TLN2: variants seen among roughly 807,000 people sequenced by gnomAD.
TLN2 encodes talin-2.
Under a neutral mutation model 294.7 loss-of-function variants are expected in TLN2, and 118 were observed. That is an observed-to-expected ratio of 0.40 (90% CI 0.34 to 0.47). The LOEUF is 0.47. TLN2 is among the 20% of genes least tolerant of loss of function. The probability of loss-of-function intolerance (pLI) is 0.84; values close to 1 mark genes in which losing one functional copy is unlikely to be tolerated. For missense variants in TLN2, 3,083 were observed against 3,282.2 expected, an observed-to-expected ratio of 0.94 and a Z score of 1.48; for synonymous variants, 1,431 against 1,304.5, an observed-to-expected ratio of 1.10 and a Z score of -2.09.
chr15:62,826,402 G>A (rs1035935496), intron 54 of TLN2, among the ~76,000 whole-genome samples: 1 of 152,184 alleles, frequency 6.6e-6, no homozygotes, highest in African/African-American at 2.4e-5. Flanking sequence ...TCCCTCCCCA[G>A]TCACAGGCAC....
intron 3 of TLN2, among the ~76,000 whole-genome samples, chr15:62,641,555 A>C (rs1386810267): frequency 6.6e-6 from 1 of 152,104 alleles, no homozygotes; most frequent in Non-Finnish European, 1.5e-5. Flanking sequence ...CTCGGGAGGC[A>C]GAGGTTGCAG....
intron 1 of TLN2, among the ~76,000 whole-genome samples, chr15:62,485,699 A>G (rs1046157997): frequency 1.1e-4 from 17 of 152,106 alleles, no homozygotes; most frequent in African/African-American, 3.6e-4. Flanking sequence ...TATACTTCTT[A>G]GGGAGACCTC....
At chr15:62,705,429 T>C (rs947239044) in intron 19 of TLN2, among the ~76,000 whole-genome samples, 60 of 149,942 alleles carry the variant, frequency 4.0e-4, no homozygotes, top group Non-Finnish European at 3.9e-4. Context: ...ATAGTGGTCT[T>C]GTTGAAAATT....
chr15:62,551,914 T>G (rs1283387769), intron 1 of TLN2, among the ~76,000 whole-genome samples: 1 of 152,232 alleles, frequency 6.6e-6, no homozygotes, highest in East Asian at 1.9e-4. Context: ...ATCCTTGACA[T>G]TAAAATTATT....
At chr15:62,680,444 G>A (rs2056715691) in intron 11 of TLN2, among the ~76,000 whole-genome samples, 2 of 152,006 alleles carry the variant, frequency 1.3e-5, no homozygotes, top group Admixed American at 6.6e-5. Flanking sequence ...CAAGGAAATT[G>A]ATAAGACATA....
At chr15:62,659,505 C>A (rs998116726) in intron 9 of TLN2, among the ~76,000 whole-genome samples, 11 of 152,190 alleles carry the variant, frequency 7.2e-5, no homozygotes, top group Non-Finnish European at 1.6e-4. Context: ...TACAAACTAA[C>A]ATCAAAGCAT....
chr15:62,528,031 A>G (rs2040833471), intron 1 of TLN2, among the ~76,000 whole-genome samples: 1 of 152,226 alleles, frequency 6.6e-6, no homozygotes, highest in South Asian at 2.1e-4. Flanking sequence ...CACTGTTAAC[A>G]TTTTAGTGAG....
At chr15:62,698,720 TG>T in intron 15 of TLN2, 33 bp from the exon 16 acceptor site, 1 of 1,577,772 alleles carries the variant, frequency 6.3e-7, no homozygotes. Flanking sequence ...CCCAGGCGTG[TG>T]GGATGACAGC....
chr15:62,720,796 A>G (rs2060096785), intron 25 of TLN2, among the ~76,000 whole-genome samples: 1 of 152,048 alleles, frequency 6.6e-6, no homozygotes, highest in South Asian at 2.1e-4. Context: ...CTCTTCATTT[A>G]ACTTTTCTCT....
chr15:62,810,774 G>A (rs1287892266), intron 52 of TLN2, among the ~76,000 whole-genome samples: 4 of 152,186 alleles, frequency 2.6e-5, no homozygotes, highest in Non-Finnish European at 5.9e-5. Flanking sequence ...AACCATGTAA[G>A]GTCTAGGGCA....
chr15:62,551,962 T>G (rs2042340427), intron 1 of TLN2, among the ~76,000 whole-genome samples: 1 of 152,206 alleles, frequency 6.6e-6, no homozygotes, highest in Non-Finnish European at 1.5e-5. Flanking sequence ...TGATAGAAGG[T>G]ACAAGAAGGC....
In TLN2 at chr15:62,458,181, G is replaced by A. The variant is rs531590938; in HGVS notation, c.-238+67496G>A. 3.9e-5 allele frequency among the ~76,000 whole-genome samples: 6 copies of A among 152,216 alleles called. 1 individual carries two copies. In the South Asian group the frequency reaches 1.2e-3, roughly 32 times the overall value. On this transcript the variant is annotated intron_variant, in intron 1 of 58. Transcript: ENST00000636159. Reference sequence around the variant, plus strand: ...TGGTGTGGGCATCTCGTTGGTGGGAGTGAGGGCTTATGTAGCGATGACCAG... The same window carrying A: ...TGGTGTGGGCATCTCGTTGGTGGGAATGAGGGCTTATGTAGCGATGACCAG...
intron 1 of TLN2, among the ~76,000 whole-genome samples, chr15:62,529,499 C>T (rs1214185534): frequency 1.3e-5 from 2 of 151,380 alleles, no homozygotes; most frequent in Admixed American, 6.6e-5. Flanking sequence ...ATCCTGTCTC[C>T]AATCCCTGCC....
intron 32 of TLN2, among the ~76,000 whole-genome samples, chr15:62,744,912 G>A (rs1481026742): frequency 1.3e-5 from 2 of 149,624 alleles, no homozygotes; most frequent in African/African-American, 2.6e-5. Flanking sequence ...GGTCAATTTC[G>A]ATTTGCTCTT....
At chr15:62,600,721 A>G (rs2140778787) in intron 2 of TLN2, among the ~76,000 whole-genome samples, 1 of 152,314 alleles carries the variant, frequency 6.6e-6, no homozygotes, top group Non-Finnish European at 1.5e-5. Context: ...CTGTGCACGT[A>G]TTACCCAAGT....
At chr15:62,838,412 G>A (rs2070067925) in intron 57 of TLN2, among the ~76,000 whole-genome samples, 2 of 152,328 alleles carry the variant, frequency 1.3e-5, no homozygotes, top group Non-Finnish European at 2.9e-5. Context: ...AGAGGGAGAG[G>A]GTATGGGTAG....
intron 1 of TLN2, among the ~76,000 whole-genome samples, chr15:62,573,883 G>A (rs981370531): frequency 6.6e-6 from 1 of 151,788 alleles, no homozygotes; most frequent in Non-Finnish European, 1.5e-5. Context: ...TGGGGAAATA[G>A]CTACCCAAGC....
At chr15:62,615,524 A>G (rs1284948530) in intron 2 of TLN2, among the ~76,000 whole-genome samples, 1 of 152,246 alleles carries the variant, frequency 6.6e-6, no homozygotes, top group African/African-American at 2.4e-5. Context: ...CTTGTAGGAA[A>G]TCAAAACACA....
intron 1 of TLN2, among the ~76,000 whole-genome samples, chr15:62,502,375 G>A (rs148412833): frequency 1.1e-4 from 17 of 152,308 alleles, no homozygotes; most frequent in South Asian, 1.0e-3. Context: ...TAGTTTTGGA[G>A]TTTTAAAATT....
Sources: allele counts gnomAD v4.1 joint callset (sites outside exome capture counted in the v4.1 genomes callset), GRCh38; gene constraint gnomAD v4.1.1; transcripts MANE v1.5; gene names NCBI Gene and HGNC (gene_info 2026-07-23, HGNC 2026-07-21).